HSPBAP1: variants seen among roughly 807,000 people sequenced by gnomAD.
HSPBAP1 encodes HSPB1-associated protein 1.
Under a neutral mutation model 45.2 loss-of-function variants are expected in HSPBAP1, and 27 were observed. The observed-to-expected ratio is 0.60, with a 90% CI of 0.44 to 0.82. HSPBAP1 has a LOEUF of 0.82. Ranked by LOEUF, HSPBAP1 falls within the 40% of genes least tolerant of loss-of-function variation. The pLI, the probability that HSPBAP1 is intolerant of heterozygous loss-of-function variation, is 0.00. For missense variants in HSPBAP1, 510 were observed against 590.9 expected (o/e 0.86, Z 1.42); for synonymous variants, 204 against 202.7 (o/e 1.01, Z -0.06).
At chr3:122,766,806 T>C (rs1934796734) in intron 3 of HSPBAP1, among the ~76,000 whole-genome samples, 1 of 152,272 alleles carries the variant, frequency 6.6e-6, no homozygotes, top group Admixed American at 6.5e-5. Flanking sequence ...AAAGGTTTAC[T>C]TAACCTCTTT....
chr3:122,751,867 T>C (rs1042857536), intron 6 of HSPBAP1, among the ~76,000 whole-genome samples: 1 of 152,194 alleles, frequency 6.6e-6, no homozygotes, highest in African/African-American at 2.4e-5. Flanking sequence ...AAGCCATTCC[T>C]ATTAGCAAAG....
chr3:122,741,747 C>T (rs1933676204), intron 6 of HSPBAP1: 1 of 151,788 alleles, frequency 6.6e-6, no homozygotes, highest in Admixed American at 6.6e-5. Context: ...AAAAAATGGG[C>T]AAAAGACACA....
intron 4 of HSPBAP1, among the ~76,000 whole-genome samples, chr3:122,758,455 T>C (rs1934435914): frequency 2.0e-5 from 3 of 152,158 alleles, no homozygotes; most frequent in Admixed American, 2.0e-4. Flanking sequence ...CGTCCAGTAT[T>C]TTTCAAACCA....
chr3:122,773,449 C>T (rs1682612939), intron 2 of HSPBAP1, among the ~76,000 whole-genome samples: 2 of 151,552 alleles, frequency 1.3e-5, no homozygotes, highest in South Asian at 4.2e-4. Flanking sequence ...GCTGAGATTA[C>T]AGGCGTGCAC....
chr3:122,759,301 C>A lies in HSPBAP1; in HGVS notation c.492G>T (p.Trp164Cys). 6.2e-7 allele frequency: 1 copy of A among 1,613,926 alleles called. No individual in the cohort carries two copies. The highest frequency in any genetic ancestry group is 8.5e-7 in the Non-Finnish European group (1 of 1,179,918). Residue 164 changes from tryptophan to cysteine, a missense_variant, in exon 4 of 8, where the codon TGG becomes TGT. By Grantham distance (215) the Trp-to-Cys change is radical. Coordinates refer to ENST00000306103, the MANE Select transcript of HSPBAP1 (RefSeq NM_024610.6). ...PGRNGQESTL[W>C]IGSLGAHTPC... is the part of the protein sequence containing the mutation. ...GTGTGTGGGCTCCCAAGGAGCCAAT[C>A]CACAATGTACTTTCCTGTCCATTTC...
rs1474673788 is a variant in HSPBAP1, at chr3:122,740,048, T to C, written c.*297A>G. ...CAAAAGTAAGCAGCCGGTTGGTCCC[T>C]GGTTGAGGCTGAGGAAGACATTACT... On this transcript the variant is annotated 3_prime_UTR_variant, in exon 8 of 8. Transcript: ENST00000306103. 3.6e-5 allele frequency: 7 copies of C among 191,864 alleles called. No homozygotes were observed. The highest frequency in any genetic ancestry group is 5.7e-5 in the Admixed American group (1 of 17,464). 11.9% of individuals were successfully genotyped at this position (191,864 alleles called of 1,614,324 possible).
Position 122,793,695 on chromosome 3 carries a change from G to C in HSPBAP1, c.-15C>G, listed in dbSNP as rs76805079. 0.11 allele frequency: 179,833 copies of C among 1,612,188 alleles called. 11,849 individuals carry two copies. Among genetic ancestry groups the C allele is most frequent in the Non-Finnish European group, 0.14 (159,340 of 1,178,658 alleles). ...CCTGCTGCCATGGCTACCGCAAGGCGGGTTCTGCCGGAACCCAAGGCGGAG... is the reference window on the plus strand; with the variant it reads ...CCTGCTGCCATGGCTACCGCAAGGCCGGTTCTGCCGGAACCCAAGGCGGAG... On this transcript the variant is annotated 5_prime_UTR_variant, in exon 1 of 8. Coordinates refer to ENST00000306103, the MANE Select transcript of HSPBAP1 (RefSeq NM_024610.6).
chr3:122,753,056 A>C, intron 5 of HSPBAP1: 1 of 852,158 alleles, frequency 1.2e-6, no homozygotes, highest in Non-Finnish European at 1.4e-6. Flanking sequence ...CTGTTTTCTC[A>C]CAGCTCAAAA....
intron 3 of HSPBAP1, among the ~76,000 whole-genome samples, chr3:122,766,274 C>T (rs955123851): frequency 2.6e-5 from 4 of 152,088 alleles, no homozygotes; most frequent in Non-Finnish European, 2.9e-5. Context: ...TAACTACCCA[C>T]CATTTTATGA....
Position 122,784,416 on chromosome 3 carries a change from A to G in HSPBAP1, c.65-6510T>C, listed in dbSNP as rs532853577. Among the ~76,000 whole-genome samples the G allele has an allele frequency of 3.9e-5, 6 of 152,306 alleles. No homozygotes were observed. In the East Asian group the frequency reaches 7.7e-4, roughly 20 times the overall value. ...ACACACAAATGTCTACTACCACACT[A>G]TAACAACAAAAAATGTAAACAACCT... is the stretch of plus-strand genomic sequence containing the variant. On this transcript the variant is annotated intron_variant, in intron 1 of 7. Transcript: ENST00000306103.
At chr3:122,792,325 T>C (rs990441834) in intron 1 of HSPBAP1, among the ~76,000 whole-genome samples, 5 of 152,106 alleles carry the variant, frequency 3.3e-5, no homozygotes, top group African/African-American at 7.2e-5. Flanking sequence ...GTAAGAGTTT[T>C]GTCAGAAAAA....
Position 122,777,916 on chromosome 3 carries a change from G to T in HSPBAP1, c.65-10C>A, listed in dbSNP as rs893333322. On this transcript the variant is annotated splice_polypyrimidine_tract_variant and intron_variant, in intron 1 of 7. Transcript: ENST00000306103. ...GGTTTGACATGTTCACCTAGAAAGA[G>T]AAATGAATACAGCAATAGATAGAAA... 1.3e-6 allele frequency: 2 copies of T among 1,595,534 alleles called. No homozygotes were observed. The highest frequency in any genetic ancestry group is 2.2e-5 in the East Asian group (1 of 44,688).
intron 3 of HSPBAP1, among the ~76,000 whole-genome samples, chr3:122,767,359 T>C (rs1382591547): frequency 6.6e-6 from 1 of 152,116 alleles, no homozygotes; most frequent in Non-Finnish European, 1.5e-5. Context: ...GCCAACATGG[T>C]AAAACCCTGT....
At chr3:122,746,827 AT>A (rs1406583229) in intron 6 of HSPBAP1, among the ~76,000 whole-genome samples, 1 of 151,834 alleles carries the variant, frequency 6.6e-6, no homozygotes, top group Non-Finnish European at 1.5e-5. Flanking sequence ...TGGTTTTCGT[AT>A]TTTTTTGGTG....
At chr3:122,740,911 T>C in intron 7 of HSPBAP1, 36 bp from the exon 8 acceptor site, 2 of 1,609,352 alleles carry the variant, frequency 1.2e-6, no homozygotes, top group Middle Eastern at 3.3e-4. Flanking sequence ...AATGGTTACA[T>C]ACATTTAGTT....
intron 5 of HSPBAP1, chr3:122,754,925 T>G (rs1386541577): frequency 3.9e-6 from 4 of 1,021,558 alleles, no homozygotes; most frequent in Non-Finnish European, 4.7e-6. Flanking sequence ...GATTAAATGT[T>G]CCAGAGATGC....
At chr3:122,747,593 C>T (rs1284032915) in intron 6 of HSPBAP1, among the ~76,000 whole-genome samples, 6 of 142,726 alleles carry the variant, frequency 4.2e-5, no homozygotes, top group Middle Eastern at 8.0e-3. Context: ...GGGGGGTCAG[C>T]GCCCCGCCCG....
At chr3:122,789,395 C>T (rs1164565595) in intron 1 of HSPBAP1, among the ~76,000 whole-genome samples, 2 of 152,188 alleles carry the variant, frequency 1.3e-5, no homozygotes, top group African/African-American at 2.4e-5. Context: ...ACTCAAATAA[C>T]TGCAATTTTT....
At chr3:122,778,860 T>A (rs1208701621) in intron 1 of HSPBAP1, among the ~76,000 whole-genome samples, 1 of 152,044 alleles carries the variant, frequency 6.6e-6, no homozygotes, top group Non-Finnish European at 1.5e-5. Context: ...AACATTTAAA[T>A]ATCAATGGTT....
Sources: allele counts gnomAD v4.1 joint callset (sites outside exome capture counted in the v4.1 genomes callset), GRCh38; gene constraint gnomAD v4.1.1; transcripts MANE v1.5; gene names NCBI Gene and HGNC (gene_info 2026-07-23, HGNC 2026-07-21).